Variants in ZW10 observed in about 807,000 individuals in gnomAD.
The protein encoded by ZW10 is zw10 kinetochore protein, also known as centromere/kinetochore protein zw10 homolog.
In ZW10, 53 loss-of-function variants were observed where a neutral mutation model predicts 87.8. The observed-to-expected ratio is 0.60, with a 90% CI of 0.48 to 0.76. The LOEUF (loss-of-function observed/expected upper bound fraction) is 0.76, where lower values mean the gene tolerates loss of function less well. Among genes scored for constraint, ZW10 ranks in the 30% least tolerant of loss-of-function variants. The pLI is 0.00. For synonymous variants in ZW10, 312 were observed against 329.2 expected (o/e 0.95, Z 0.57); for missense variants, 837 against 923.0 (o/e 0.91, Z 1.21).
At chr11:113,768,989 T>C (rs199765920) in intron 1 of ZW10, 22 bp from the exon 2 acceptor site, 1 of 1,609,802 alleles carries the variant, frequency 6.2e-7, no homozygotes, top group African/African-American at 1.3e-5. Flanking sequence ...AACAGAATTA[T>C]ATTAAAAGAC....
chr11:113,743,389 T>C (rs1267837271), intron 10 of ZW10, among the ~76,000 whole-genome samples: 1 of 152,192 alleles, frequency 6.6e-6, no homozygotes, highest in Non-Finnish European at 1.5e-5. Context: ...ATAATAAACA[T>C]TTGAGTATTA....
chr11:113,751,474 C>T (rs1480140144), intron 7 of ZW10, among the ~76,000 whole-genome samples: 2 of 152,140 alleles, frequency 1.3e-5, no homozygotes, highest in Non-Finnish European at 2.9e-5. Flanking sequence ...TAATCTTTCA[C>T]ATTTGTCAAA....
At position 113,754,342 on chromosome 11, in the gene ZW10, G is replaced by A. The variant is rs138520704; in HGVS notation, c.925+3320C>T. ...TCTACTAAAATTACAAAAATTAGCT[G>A]GGCATGGTAGTGCAGGCCTGTAATC... On this transcript the variant is annotated intron_variant, in intron 7 of 15. Transcript: ENST00000200135. 3.8e-3 allele frequency among the ~76,000 whole-genome samples: 584 copies of A among 152,152 alleles called. 3 individuals are homozygous for A. Among genetic ancestry groups the A allele is most frequent in the Admixed American group, 5.0e-3 (76 of 15,266 alleles).
chr11:113,757,849 C>T lies in ZW10; in HGVS notation c.738G>A (p.Gln246=). The change falls in exon 7 of 16, where the codon CAG becomes CAA. Residue 246 remains glutamine, a synonymous_variant. Coordinates refer to ENST00000200135, the MANE Select transcript of ZW10 (RefSeq NM_004724.4). The stretch of plus-strand genomic sequence containing the variant: ...GCCTAAGGATATACTTCAGCAGCAT[C>T]TGACCTGAAAAATCATATGAACATT... ...ELHSKLKSFG[Q]MLLKYILRPL... is the part of the protein sequence containing the mutation. 6.3e-7 allele frequency: 1 copy of T among 1,587,776 alleles called. No homozygotes were observed. The highest frequency in any genetic ancestry group is 8.6e-7 in the Non-Finnish European group (1 of 1,164,914).
chr11:113,739,131 T>C, intron 12 of ZW10, 82 bp downstream of exon 12: 1 of 1,492,388 alleles, frequency 6.7e-7, no homozygotes, highest in Non-Finnish European at 9.1e-7. Flanking sequence ...AATTTCTAAT[T>C]TTCTCATTCA....
At position 113,733,749 on chromosome 11, in the gene ZW10, C is replaced by A; in HGVS notation, c.2285G>T (p.Arg762Leu). 2 of 1,614,070 alleles carry A rather than the reference C, an allele frequency of 1.2e-6. No individual in the cohort carries two copies. Among genetic ancestry groups the A allele is most frequent in the Non-Finnish European group, 1.7e-6 (2 of 1,179,988 alleles). ...FSSSEVKALI[R>L]ALFQNTERRA... ...TCTTTCTGTGTTCTGAAACAAGGCA[C>A]GAATTAAAGCTTTTACTTCACTGGA... Residue 762 changes from arginine (R) to leucine (L), a missense_variant, in exon 16 of 16, where the codon CGT becomes CTT. Physicochemically the swap from Arg to Leu is moderately radical, Grantham distance 102. Transcript: ENST00000200135.
chr11:113,735,896 C>T (rs1365030124), intron 15 of ZW10, among the ~76,000 whole-genome samples: 1 of 152,150 alleles, frequency 6.6e-6, no homozygotes, highest in Non-Finnish European at 1.5e-5. Flanking sequence ...GCAGGTCAAT[C>T]AAACAGTAGT....
chr11:113,771,179 T>C (rs1953963484), intron 1 of ZW10: 1 of 152,082 alleles, frequency 6.6e-6, no homozygotes, highest in Non-Finnish European at 1.5e-5. Flanking sequence ...TTTCACCATG[T>C]TGGCCAGGCT....
chr11:113,766,486 T>C (rs1234070961), intron 2 of ZW10, among the ~76,000 whole-genome samples: 1 of 149,158 alleles, frequency 6.7e-6, no homozygotes, highest in Non-Finnish European at 1.5e-5. Flanking sequence ...CTGGCTAACA[T>C]GGTAAAACCC....
intron 2 of ZW10, among the ~76,000 whole-genome samples, chr11:113,764,675 G>C (rs374644115): frequency 4.6e-5 from 7 of 152,224 alleles, no homozygotes; most frequent in African/African-American, 1.7e-4. Flanking sequence ...ACAAAGTCAA[G>C]ATTACCAATA....
intron 6 of ZW10, 130 bp downstream of exon 6, chr11:113,758,424 C>G (rs1022918499): frequency 5.6e-6 from 4 of 708,606 alleles, no homozygotes; most frequent in African/African-American, 3.7e-5. Context: ...GGACAATTCT[C>G]TTTGATGAAT....
In ZW10 at chr11:113,773,551, C is replaced by T. The variant is rs200744880; in HGVS notation, c.105+11G>A. On this transcript the variant is annotated intron_variant, in intron 1 of 15. Transcript: ENST00000200135. The stretch of plus-strand genomic sequence containing the variant: ...CCCCTTCCAGTCAGCAGACAGCTGC[C>T]CCGCTCTCACCTTGATCTCCTCCAC... 1.3e-4 allele frequency: 212 copies of T among 1,610,716 alleles called. No homozygotes were observed. In the East Asian group the frequency reaches 4.6e-3, roughly 35 times the overall value.
At chr11:113,750,539 G>T (rs1953724150) in intron 7 of ZW10, among the ~76,000 whole-genome samples, 1 of 152,060 alleles carries the variant, frequency 6.6e-6, no homozygotes, top group South Asian at 2.1e-4. Context: ...TCTGACCTCA[G>T]GTGATCCACC....
intron 11 of ZW10, among the ~76,000 whole-genome samples, chr11:113,739,720 T>C (rs999113832): frequency 6.6e-6 from 1 of 152,224 alleles, no homozygotes; most frequent in African/African-American, 2.4e-5. Flanking sequence ...TCTATGGAAA[T>C]ACAGGTTTAC....
rs748169308 is a variant in ZW10, at chr11:113,739,332, C to G, written c.1634G>C (p.Cys545Ser). Reference protein sequence around the residue: ...PQLAAIHHNNCMYIAHHLLTL... With the variant: ...PQLAAIHHNNSMYIAHHLLTL... Reference sequence around the variant, plus strand: ...CAGCAAGTGGTGAGCAATGTACATACAGTTGTTGTGATGAATAGCAGCCAA... The same window carrying G: ...CAGCAAGTGGTGAGCAATGTACATAGAGTTGTTGTGATGAATAGCAGCCAA... Residue 545 changes from cysteine to serine, a missense_variant, in exon 12 of 16, where the codon TGT becomes TCT. Physicochemically the swap from Cys to Ser is moderately radical, Grantham distance 112. Transcript: ENST00000200135. 2.7e-5 allele frequency: 44 copies of G among 1,609,646 alleles called. No individual in the cohort carries two copies. Among genetic ancestry groups the G allele is most frequent in the Non-Finnish European group, 3.6e-5 (43 of 1,178,158 alleles).
At position 113,773,553 on chromosome 11, in the gene ZW10, C is replaced by G; in HGVS notation, c.105+9G>C. On this transcript the variant is annotated intron_variant, in intron 1 of 15. Coordinates refer to ENST00000200135, the MANE Select transcript of ZW10 (RefSeq NM_004724.4). ...CCTTCCAGTCAGCAGACAGCTGCCC[C>G]GCTCTCACCTTGATCTCCTCCACCC... 1 of 1,610,864 alleles carries G rather than the reference C, an allele frequency of 6.2e-7. No individual in the cohort carries two copies. The highest frequency in any genetic ancestry group is 8.5e-7 in the Non-Finnish European group (1 of 1,178,848).
chr11:113,767,804 C>G (rs979882615), intron 2 of ZW10, among the ~76,000 whole-genome samples: 4 of 152,272 alleles, frequency 2.6e-5, no homozygotes, highest in African/African-American at 9.6e-5. Flanking sequence ...TGTCCCTTCC[C>G]ACCAAAATCC....
At chr11:113,741,001 A>G (rs1056555657) in intron 11 of ZW10, among the ~76,000 whole-genome samples, 2 of 152,238 alleles carry the variant, frequency 1.3e-5, no homozygotes, top group African/African-American at 4.8e-5. Context: ...TAAAGAGAAT[A>G]CAAATAAAAC....
chr11:113,738,470 T>G (rs1419609691), intron 12 of ZW10, 76 bp from the exon 13 acceptor site: 2 of 1,407,320 alleles, frequency 1.4e-6, no homozygotes, highest in Non-Finnish European at 1.9e-6. Context: ...AGACAAGAGA[T>G]GCATAAACCA....
Sources: allele counts gnomAD v4.1 joint callset (sites outside exome capture counted in the v4.1 genomes callset), GRCh38; gene constraint gnomAD v4.1.1; transcripts MANE v1.5; gene names NCBI Gene and HGNC (gene_info 2026-07-23, HGNC 2026-07-21).